Variants in SDHA observed in about 807,000 individuals in gnomAD.
The protein encoded by SDHA is succinate dehydrogenase [ubiquinone] flavoprotein subunit, mitochondrial.
In SDHA, 48 loss-of-function variants were observed where a neutral mutation model predicts 78.4. The ratio of observed to expected loss-of-function variants is 0.61; its 90% CI spans 0.49 to 0.78. SDHA has a LOEUF of 0.78. SDHA is among the 30% of genes least tolerant of loss of function. The pLI is 0.00. For synonymous variants in SDHA, 326 were observed against 353.9 expected, an observed-to-expected ratio of 0.92 and a Z score of 0.88; for missense variants, 680 against 892.7, an observed-to-expected ratio of 0.76 and a Z score of 3.04.
downstream of SDHA, among the ~76,000 whole-genome samples, chr5:257,731 C>T (rs1300099866): frequency 8.2e-4 from 99 of 121,198 alleles, 6 homozygotes; most frequent in Non-Finnish European, 1.3e-3. Flanking sequence ...GTGTGAGCTC[C>T]GCGCCCTGCC....
chr5:221,542 C>G (rs912236401), intron 1 of SDHA, among the ~76,000 whole-genome samples: 6 of 152,232 alleles, frequency 3.9e-5, no homozygotes, highest in African/African-American at 1.4e-4. Context: ...CTCTGCACTT[C>G]TTACTTTTCC....
At chr5:218,561 C>T (rs1159219848) in intron 1 of SDHA, 143 bp downstream of exon 1, 2 of 636,726 alleles carry the variant, frequency 3.1e-6, no homozygotes, top group East Asian at 7.3e-5. Context: ...CTGAGAGAGC[C>T]CTGGGCCGGT....
intron 4 of SDHA, 39 bp downstream of exon 4, chr5:225,601 T>G (rs1734969267): frequency 6.2e-7 from 1 of 1,613,570 alleles, no homozygotes; most frequent in Admixed American, 1.7e-5. Flanking sequence ...CGTGGTCTGT[T>G]TCTAGTACAA....
intron 1 of SDHA, among the ~76,000 whole-genome samples, chr5:221,966 C>T (rs1256965376): frequency 6.6e-6 from 1 of 152,138 alleles, no homozygotes; most frequent in Non-Finnish European, 1.5e-5. Context: ...ATTGAGTGAT[C>T]TCACTGTTTC....
chr5:226,755 C>T (rs1274308312), intron 5 of SDHA, among the ~76,000 whole-genome samples: 17 of 151,884 alleles, frequency 1.1e-4, no homozygotes, highest in Non-Finnish European at 1.5e-4. Flanking sequence ...TGTGAAACCC[C>T]GTCTCTACTA....
intron 1 of SDHA, among the ~76,000 whole-genome samples, chr5:221,520 G>A (rs921155421): frequency 1.1e-4 from 17 of 152,236 alleles, no homozygotes; most frequent in Non-Finnish European, 2.2e-4. Context: ...GCTAGATTTC[G>A]GATATGAATG....
rs878854638 is a variant in SDHA, at chr5:233,495, G to A, written c.914G>A (p.Cys305Tyr). ...FHPTGIYGAG[C>Y]LITEGCRGEG... ...TTTGCAGGCATATATGGTGCTGGTTGTCTCATTACGGAAGGATGTCGTGGA... is the reference window on the plus strand; with the variant it reads ...TTTGCAGGCATATATGGTGCTGGTTATCTCATTACGGAAGGATGTCGTGGA... Residue 305 changes from cysteine to tyrosine, a missense_variant, in exon 8 of 15, where the codon TGT becomes TAT. Transcript: ENST00000264932. 1.7e-5 allele frequency: 27 copies of A among 1,614,064 alleles called. No individual in the cohort carries two copies. The highest frequency in any genetic ancestry group is 2.1e-5 in the Non-Finnish European group (25 of 1,180,010).
rs768055345 is a variant in SDHA at position 235,313 on chromosome 5, G to A, written c.1234G>A (p.Gly412Ser). The A allele has an allele frequency of 2.3e-5, 37 of 1,614,026 alleles. No individual in the cohort carries two copies. In the Admixed American group the frequency reaches 3.0e-4, roughly 13 times the overall value. The change falls in exon 9 of 15, where the codon GGC becomes AGC. Residue 412 changes from glycine to serine, a missense_variant. Coordinates refer to ENST00000264932, the MANE Select transcript of SDHA (RefSeq NM_004168.4). ...CCCCACCGTGCATTATAACATGGGC[G>A]GCATTCCCACCAACTACAAGGGGCA... ...VLPTVHYNMG[G>S]IPTNYKGQVL...
chr5:225,274 G>T, intron 3 of SDHA, 145 bp from the exon 4 acceptor site: 1 of 989,270 alleles, frequency 1.0e-6, no homozygotes, highest in Non-Finnish European at 1.6e-6. Context: ...GGGTCTCGCT[G>T]CTCCTCTGCT....
At position 218,435 on chromosome 5, in the gene SDHA, G is replaced by A. The variant is rs1204926162; in HGVS notation, c.63+17G>A. ...GCCAAGGCGGTGAGTCCGTGCCGCG[G>A]ACCGGGGCGGGGCAGGCGGGGGCCG... On this transcript the variant is annotated intron_variant, in intron 1 of 14. Transcript: ENST00000264932. 7.2e-7 allele frequency: 1 copy of A among 1,395,174 alleles called. No homozygotes were observed. The highest frequency in any genetic ancestry group is 9.2e-7 in the Non-Finnish European group (1 of 1,083,640). 86.4% of individuals were successfully genotyped at this position (1,395,174 alleles called of 1,614,324 possible). A position where few individuals can be genotyped will look rare whatever the true frequency, so the allele number is the denominator to read the frequency against.
chr5:252,193 C>T lies in SDHA; in HGVS notation c.1794+725C>T, dbSNP rs1168327323. ...GCCAGTTTATTAACGAATAAGCCAC[C>T]GTTTCAAACCTGCCCTGTGAAGGAA... On this transcript the variant is annotated intron_variant, in intron 13 of 14. Coordinates refer to ENST00000264932, the MANE Select transcript of SDHA (RefSeq NM_004168.4). Among the ~76,000 whole-genome samples the T allele has an allele frequency of 5.4e-5, 8 of 146,810 alleles. 1 individual carries two copies. The highest frequency in any genetic ancestry group is 2.0e-4 in the African/African-American group (8 of 39,094).
At chr5:247,792 C>T (rs1736555247) in intron 11 of SDHA, among the ~76,000 whole-genome samples, 1 of 152,210 alleles carries the variant, frequency 6.6e-6, no homozygotes, top group South Asian at 2.1e-4. Flanking sequence ...TCTATTAAAA[C>T]AGATAACGCC....
intron 4 of SDHA, 93 bp from the exon 5 acceptor site, chr5:225,790 A>C: frequency 6.5e-7 from 1 of 1,529,022 alleles, no homozygotes; most frequent in Non-Finnish European, 9.0e-7. Context: ...TTGGGTTTGC[A>C]GATTTGTGTT....
Position 251,414 on chromosome 5 carries a change from C to T in SDHA, c.1740C>T (p.Tyr580=), listed in dbSNP as rs3181540. The change falls in exon 13 of 15, where the codon TAC becomes TAT. Residue 580 remains tyrosine, a synonymous_variant. Transcript: ENST00000264932. ...TGCTGTGTGCGCTGCAGACCATCTA[C>T]GGAGCAGAGGCACGGAAGGAGTCAC... ...NLMLCALQTI[Y]GAEARKESRG... 8.1e-6 allele frequency: 13 copies of T among 1,613,774 alleles called. No homozygotes were observed. The highest frequency in any genetic ancestry group is 2.2e-5 in the East Asian group (1 of 44,886).
chr5:258,537 C>T (rs62344346), downstream of SDHA, among the ~76,000 whole-genome samples: 31,389 of 91,678 alleles, frequency 0.34, 1,613 homozygotes, highest in South Asian at 0.4. Context: ...TTACTGTGAG[C>T]TCCTTCTCCT....
chr5:220,539 G>T (rs1245801515), intron 1 of SDHA, among the ~76,000 whole-genome samples: 1 of 152,180 alleles, frequency 6.6e-6, no homozygotes, highest in South Asian at 2.1e-4. Flanking sequence ...CATTCCTCAT[G>T]ATGTTTTTCC....
chr5:222,390 G>A (rs1228008816), intron 1 of SDHA, among the ~76,000 whole-genome samples: 2 of 142,774 alleles, frequency 1.4e-5, no homozygotes, highest in East Asian at 2.0e-4. Flanking sequence ...CTCTGTTGCC[G>A]AGGCCGGAGT....
intron 9 of SDHA, 181 bp from the exon 10 acceptor site, chr5:236,247 A>C: frequency 1.5e-6 from 1 of 670,980 alleles, no homozygotes; most frequent in South Asian, 1.6e-5. Context: ...CAGGTCTTGA[A>C]CCCCTGACCT....
At chr5:243,427 G>A (rs541439650) in intron 11 of SDHA, among the ~76,000 whole-genome samples, 209 of 152,198 alleles carry the variant, frequency 1.4e-3, no homozygotes, top group African/African-American at 4.8e-3. Context: ...TACTTGCAGC[G>A]CCCAGGCCCA....
Sources: allele counts gnomAD v4.1 joint callset (sites outside exome capture counted in the v4.1 genomes callset), GRCh38; gene constraint gnomAD v4.1.1; transcripts MANE v1.5; gene names NCBI Gene and HGNC (gene_info 2026-07-23, HGNC 2026-07-21).